COL6A6: variants seen among roughly 807,000 people sequenced by gnomAD.
COL6A6 encodes the protein collagen type VI alpha 6 chain, also known as collagen alpha-6(VI) chain.
A neutral mutation model predicts 208.6 loss-of-function variants in COL6A6; 183 were observed. The observed-to-expected ratio is 0.88, with a 90% CI of 0.78 to 0.99. COL6A6 has a LOEUF of 0.99. Ranked by LOEUF, COL6A6 falls within the 50% of genes least tolerant of loss-of-function variation. The pLI is 0.00. For missense variants in COL6A6, 2,816 were observed against 2,815.2 expected (o/e 1.00, Z -0.01); for synonymous variants, 973 against 1,011.8 (o/e 0.96, Z 0.73).
At chr3:130,565,661 T>C (rs1173052402) in intron 4 of COL6A6, 47 bp downstream of exon 4, 1 of 1,536,314 alleles carries the variant, frequency 6.5e-7, no homozygotes. Flanking sequence ...CTTTTTTTCT[T>C]CTCTTTCAAA....
chr3:130,620,953 C>A lies in COL6A6; in HGVS notation c.4816-868C>A, dbSNP rs2064697252. On this transcript the variant is annotated intron_variant, in intron 23 of 36. Transcript: ENST00000358511. ...TTTCTCTTTCCATATGTTTAGATAT[C>A]CCAAAGGAAAAATCTGATTCCAAGT... Among the ~76,000 whole-genome samples, 3 of 152,110 alleles carry A rather than the reference C, an allele frequency of 2.0e-5. 1 individual carries two copies. In the South Asian group the frequency reaches 6.2e-4, roughly 32 times the overall value.
chr3:130,590,322 T>A (rs1343246919), intron 12 of COL6A6, among the ~76,000 whole-genome samples: 14 of 106,456 alleles, frequency 1.3e-4, no homozygotes, highest in Non-Finnish European at 2.3e-4. Flanking sequence ...TTTTTTTTTT[T>A]TTTTTTTACT....
intron 24 of COL6A6, 135 bp from the exon 25 acceptor site, chr3:130,626,350 C>G (rs1294940812): frequency 7.4e-6 from 5 of 677,712 alleles, no homozygotes; most frequent in Non-Finnish European, 1.4e-5. Flanking sequence ...CCAACAACAG[C>G]AGTTCCTCTT....
At chr3:130,560,263 A>G (rs1183441827) in intron 1 of COL6A6, 71 bp from the exon 2 acceptor site, 1 of 892,720 alleles carries the variant, frequency 1.1e-6, no homozygotes, top group Non-Finnish European at 1.7e-6. Flanking sequence ...ATAATTTTGT[A>G]TGCTCTTGTA....
chr3:130,574,114 G>A lies in COL6A6; in HGVS notation c.3136G>A (p.Asp1046Asn), dbSNP rs370108251. The change falls in exon 8 of 37, where the codon GAT (aspartate) becomes AAT (asparagine). Residue 1046 changes from aspartate to asparagine, a missense_variant. Coordinates refer to ENST00000358511, the MANE Select transcript of COL6A6 (RefSeq NM_001102608.3). ...RVRIGAAQFSDTYHPEFPLGT... is the reference protein window; with the variant it reads ...RVRIGAAQFSNTYHPEFPLGT... The stretch of plus-strand genomic sequence containing the variant: ...GCGAATAGGAGCGGCCCAGTTTAGC[G>A]ATACCTATCACCCGGAGTTTCCACT... The A allele has an allele frequency of 8.1e-5, 130 of 1,613,968 alleles. No individual in the cohort carries two copies. The African/African-American group carries it at 1.5e-3, about 19-fold the overall frequency.
rs191425590 is a variant in COL6A6, at chr3:130,665,184, C to A, written c.6596+88C>A. ...CCTCCTCCTTTTCTTGCTTTTCTTC[C>A]TCCTCCATCTTATTTGGACAAAAAT... On this transcript the variant is annotated intron_variant, in intron 36 of 36. Transcript: ENST00000358511. 3.8e-5 allele frequency: 31 copies of A among 811,798 alleles called. No individual in the cohort carries two copies. In the African/African-American group the frequency reaches 5.0e-4, roughly 13 times the overall value. The allele number at this position is 811,798 out of a possible 1,614,324, so 50.3% of individuals were successfully genotyped here. A position where few individuals can be genotyped will look rare whatever the true frequency, so the allele number is the denominator to read the frequency against.
chr3:130,581,055 A>G (rs111947104), intron 8 of COL6A6, among the ~76,000 whole-genome samples: 6 of 152,142 alleles, frequency 3.9e-5, no homozygotes, highest in African/African-American at 7.2e-5. Flanking sequence ...AAGAGGAATC[A>G]AAAAGGCCCT....
At chr3:130,672,264 T>G (rs2066236260) in intron 36 of COL6A6, among the ~76,000 whole-genome samples, 1 of 152,244 alleles carries the variant, frequency 6.6e-6, no homozygotes, top group African/African-American at 2.4e-5. Context: ...TTACTGGAGC[T>G]GAGCACAAGT....
intron 1 of COL6A6, among the ~76,000 whole-genome samples, chr3:130,522,700 A>T (rs1038269410): frequency 3.3e-5 from 5 of 152,144 alleles, no homozygotes; most frequent in African/African-American, 9.7e-5. Context: ...CTTCCTGCGA[A>T]TGGCACAACC....
upstream of COL6A6, among the ~76,000 whole-genome samples, chr3:130,517,110 G>T (rs893394132): frequency 6.6e-6 from 1 of 152,170 alleles, no homozygotes; most frequent in Non-Finnish European, 1.5e-5. Context: ...CGGGGCCGCC[G>T]GGGCGGGGAA....
chr3:130,662,938 T>C (rs969931797), intron 35 of COL6A6, among the ~76,000 whole-genome samples: 2 of 152,212 alleles, frequency 1.3e-5, no homozygotes, highest in Non-Finnish European at 2.9e-5. Context: ...CTTGAAAATA[T>C]GCAATCCATT....
At chr3:130,602,751 CTATT>C (rs1445266461) in intron 20 of COL6A6, among the ~76,000 whole-genome samples, 2 of 152,082 alleles carry the variant, frequency 1.3e-5, no homozygotes, top group African/African-American at 4.8e-5. Context: ...TAATAAAACA[CTATT>C]TAGAATTTTA....
At chr3:130,586,756 A>T (rs1358407024) in intron 11 of COL6A6, 96 bp downstream of exon 11, 15 of 1,245,118 alleles carry the variant, frequency 1.2e-5, no homozygotes, top group Admixed American at 2.7e-5. Flanking sequence ...TACTGTGTTT[A>T]TTTGGGAGTG....
intron 1 of COL6A6, among the ~76,000 whole-genome samples, chr3:130,560,021 G>A (rs1577700373): frequency 6.6e-6 from 1 of 152,132 alleles, no homozygotes; most frequent in East Asian, 1.9e-4. Flanking sequence ...AGAGGATGGC[G>A]CTAGGGTACA....
chr3:130,606,015 T>G (rs2064173286), intron 20 of COL6A6, among the ~76,000 whole-genome samples: 1 of 152,228 alleles, frequency 6.6e-6, no homozygotes, highest in Admixed American at 6.5e-5. Flanking sequence ...GAGCTACAAT[T>G]CAAGATGAGA....
At chr3:130,611,926 C>T (rs2064371215) in intron 23 of COL6A6, among the ~76,000 whole-genome samples, 2 of 152,042 alleles carry the variant, frequency 1.3e-5, no homozygotes, top group South Asian at 4.1e-4. Context: ...TTTTTCCGAT[C>T]CTTTCCCATC....
At chr3:130,534,985 A>G (rs2062189443) in intron 1 of COL6A6, among the ~76,000 whole-genome samples, 1 of 152,084 alleles carries the variant, frequency 6.6e-6, no homozygotes, top group Non-Finnish European at 1.5e-5. Context: ...TGCTCATCAA[A>G]TCTCATTCAT....
At chr3:130,639,308 C>T (rs1487114931) in intron 28 of COL6A6, among the ~76,000 whole-genome samples, 1 of 152,086 alleles carries the variant, frequency 6.6e-6, no homozygotes, top group African/African-American at 2.4e-5. Context: ...TAGTCTGTTT[C>T]CTGCATTTTA....
chr3:130,643,018 G>A lies in COL6A6; in HGVS notation c.5222G>A (p.Arg1741His), dbSNP rs370927133. 24 of 1,613,368 alleles carry A rather than the reference G, an allele frequency of 1.5e-5. No homozygotes were observed. The highest frequency in any genetic ancestry group is 5.5e-5 in the South Asian group (5 of 91,026). Reference protein sequence around the residue: ...TCELIQYVRDRSPGRHGKPEC... With the variant: ...TCELIQYVRDHSPGRHGKPEC... The stretch of plus-strand genomic sequence containing the variant: ...GAGCTCATTCAGTATGTGCGAGACC[G>A]CAGTCGTAAGTACCCTGCTTAAAAT... Residue 1741 changes from arginine to histidine, a missense_variant, in exon 31 of 37, where the codon CGC becomes CAC. By Grantham distance (29) the Arg-to-His change is conservative. Coordinates refer to ENST00000358511, the MANE Select transcript of COL6A6 (RefSeq NM_001102608.3).
Sources: allele counts gnomAD v4.1 joint callset (sites outside exome capture counted in the v4.1 genomes callset), GRCh38; gene constraint gnomAD v4.1.1; transcripts MANE v1.5; gene names NCBI Gene and HGNC (gene_info 2026-07-23, HGNC 2026-07-21).